Variants in OLA1 observed in about 807,000 individuals in gnomAD.
OLA1 encodes Obg like ATPase 1, also known as obg-like ATPase 1.
Under a neutral mutation model 48.4 loss-of-function variants are expected in OLA1, and 14 were observed. The ratio of observed to expected loss-of-function variants is 0.29; its 90% CI spans 0.19 to 0.45. The LOEUF is 0.45. Among genes scored for constraint, OLA1 ranks in the 20% least tolerant of loss-of-function variants. OLA1 has a pLI of 1.00. For synonymous variants in OLA1, 127 were observed against 150.4 expected (o/e 0.84, Z 1.14); for missense variants, 325 against 467.1 (o/e 0.70, Z 2.80).
intron 4 of OLA1, among the ~76,000 whole-genome samples, chr2:174,151,172 G>C (rs1047561971): frequency 6.6e-6 from 1 of 152,114 alleles, no homozygotes; most frequent in South Asian, 2.1e-4. Flanking sequence ...CAGCATTTTA[G>C]AAAGACTAAC....
intron 4 of OLA1, among the ~76,000 whole-genome samples, chr2:174,169,666 T>C (rs895882153): frequency 6.6e-6 from 1 of 152,214 alleles, no homozygotes; most frequent in African/African-American, 2.4e-5. Flanking sequence ...ATTAATGCTA[T>C]AGAACGGTCT....
At chr2:174,119,603 TC>T (rs1294650074) in intron 7 of OLA1, among the ~76,000 whole-genome samples, 1 of 151,806 alleles carries the variant, frequency 6.6e-6, no homozygotes, top group African/African-American at 2.4e-5. Context: ...ATTCCATGAT[TC>T]CCCCCAAACC....
intron 2 of OLA1, among the ~76,000 whole-genome samples, chr2:174,236,276 T>C (rs1260132052): frequency 2.0e-5 from 3 of 152,068 alleles, no homozygotes; most frequent in Admixed American, 2.0e-4. Context: ...TACAAATCTT[T>C]TAAAATTTTT....
chr2:174,189,011 A>G (rs981050056), intron 4 of OLA1, among the ~76,000 whole-genome samples: 2 of 152,164 alleles, frequency 1.3e-5, no homozygotes, highest in Admixed American at 1.3e-4. Context: ...ATACATTGGC[A>G]TATTGATGAA....
intron 4 of OLA1, among the ~76,000 whole-genome samples, chr2:174,155,434 T>A (rs945805440): frequency 6.6e-6 from 1 of 152,172 alleles, no homozygotes; most frequent in Non-Finnish European, 1.5e-5. Context: ...AGACATTTAG[T>A]GAGCATTTCA....
At chr2:174,247,359 T>C (rs542552627) in intron 1 of OLA1, 4 of 238,208 alleles carry the variant, frequency 1.7e-5, no homozygotes, top group South Asian at 2.0e-4. Context: ...GCGACAAAGC[T>C]AGGCTCTGTC....
intron 4 of OLA1, among the ~76,000 whole-genome samples, chr2:174,196,700 A>C (rs895288759): frequency 2.6e-5 from 4 of 152,236 alleles, no homozygotes; most frequent in Admixed American, 2.0e-4. Flanking sequence ...CACTTTGTTC[A>C]AATGTATATG....
intron 4 of OLA1, among the ~76,000 whole-genome samples, chr2:174,161,681 TACAC>T (rs55713860): frequency 0.15 from 21,740 of 140,950 alleles, 1,931 homozygotes; most frequent in Admixed American, 0.23. Context: ...AAAAAAAAAA[TACAC>T]ACACACACAC....
rs1684670888 is a variant in OLA1 at position 174,074,180 on chromosome 2, G to A, written c.*1246C>T. 6.6e-6 allele frequency: 1 copy of A among 152,154 alleles called. No individual in the cohort carries two copies. Among genetic ancestry groups the A allele is most frequent in the Non-Finnish European group, 1.5e-5 (1 of 68,040 alleles). The allele number at this position is 152,154 out of a possible 1,614,324, so 9.4% of individuals were successfully genotyped here. A position where few individuals can be genotyped will look rare whatever the true frequency, so the allele number is the denominator to read the frequency against. On this transcript the variant is annotated 3_prime_UTR_variant, in exon 11 of 11. Coordinates refer to ENST00000284719, the MANE Select transcript of OLA1 (RefSeq NM_013341.5). ...AAAGTCCCAAAGCGATACAGTAGAG[G>A]CAAAGGCTGGCTGGGTATGAATCTG...
At chr2:174,204,716 A>G (rs957171947) in intron 4 of OLA1, among the ~76,000 whole-genome samples, 2 of 144,670 alleles carry the variant, frequency 1.4e-5, no homozygotes, top group Non-Finnish European at 3.0e-5. Flanking sequence ...CAAAACAAGA[A>G]AAATGTTTTA....
At chr2:174,147,442 GA>G (rs1006587737) in intron 4 of OLA1, among the ~76,000 whole-genome samples, 2 of 151,430 alleles carry the variant, frequency 1.3e-5, no homozygotes, top group Non-Finnish European at 1.5e-5. Context: ...AAAAGAAAAA[GA>G]AAAAAAATCA....
intron 4 of OLA1, among the ~76,000 whole-genome samples, chr2:174,157,014 T>TAA (rs57431404): frequency 4.0e-5 from 5 of 125,066 alleles, no homozygotes; most frequent in African/African-American, 8.9e-5. Context: ...TGGTCAAATC[T>TAA]AAAAAAAAAA....
intron 4 of OLA1, among the ~76,000 whole-genome samples, chr2:174,144,939 A>ATATATATAT (rs1318022287): frequency 5.3e-5 from 3 of 56,370 alleles, no homozygotes; most frequent in South Asian, 9.5e-4. Context: ...TTAAAAAAAA[A>ATATATATAT]AAAAAAAAAA....
intron 4 of OLA1, among the ~76,000 whole-genome samples, chr2:174,197,055 C>T (rs73035774): frequency 0.027 from 4,112 of 152,212 alleles, 175 homozygotes; most frequent in African/African-American, 0.092. Context: ...CCCATTTACA[C>T]CAGAGGTGGC....
At chr2:174,079,139 T>C (rs1378733670) in intron 9 of OLA1, 49 bp from the exon 10 acceptor site, 4 of 1,528,508 alleles carry the variant, frequency 2.6e-6, no homozygotes, top group Non-Finnish European at 3.5e-6. Flanking sequence ...AGATGACTGA[T>C]TGTAAGCACA....
chr2:174,223,665 AAATCT>A (rs753208211), intron 3 of OLA1, among the ~76,000 whole-genome samples: 2 of 151,882 alleles, frequency 1.3e-5, no homozygotes, highest in Non-Finnish European at 2.9e-5. Flanking sequence ...AGGAGTTACG[AAATCT>A]ATTGTATTCA....
intron 7 of OLA1, among the ~76,000 whole-genome samples, chr2:174,116,064 C>T (rs1685773656): frequency 6.6e-6 from 1 of 152,160 alleles, no homozygotes; most frequent in Non-Finnish European, 1.5e-5. Context: ...TCAAAAGGAA[C>T]ATAAATTTGA....
At chr2:174,161,986 T>C (rs1687022948) in intron 4 of OLA1, among the ~76,000 whole-genome samples, 1 of 152,022 alleles carries the variant, frequency 6.6e-6, no homozygotes, top group African/African-American at 2.4e-5. Flanking sequence ...AAGACAAGAA[T>C]ATGTAACTAA....
chr2:174,163,707 AATAAATATATATATATATAT>A lies in OLA1; in HGVS notation c.374-21727_374-21708del, dbSNP rs1366340536. ...CCTTGTCTCAAAAATAAAATAAATAAATAAATATATATATATATATATATATATATATATATATATATATA... is the reference window on the plus strand; with the variant it reads ...CCTTGTCTCAAAAATAAAATAAATAAATATATATATATATATATATATATA... On this transcript the variant is annotated intron_variant, in intron 4 of 10. Coordinates refer to ENST00000284719, the MANE Select transcript of OLA1 (RefSeq NM_013341.5). Among the ~76,000 whole-genome samples the A allele has an allele frequency of 9.3e-4, 37 of 39,988 alleles. 1 individual carries two copies. The highest frequency in any genetic ancestry group is 2.6e-3 in the African/African-American group (24 of 9,066). 26.2% of individuals were successfully genotyped at this position (39,988 alleles called of 152,430 possible).
Sources: allele counts gnomAD v4.1 joint callset (sites outside exome capture counted in the v4.1 genomes callset), GRCh38; gene constraint gnomAD v4.1.1; transcripts MANE v1.5; gene names NCBI Gene and HGNC (gene_info 2026-07-23, HGNC 2026-07-21).